The following DCAF1 variants were observed in gnomAD, a reference collection of about 807,000 sequenced individuals.
The protein encoded by DCAF1 is DDB1 and CUL4 associated factor 1.
DCAF1 carries 15 observed loss-of-function variants against 128.0 expected under a neutral mutation model. The ratio of observed to expected loss-of-function variants is 0.12; its 90% confidence interval spans 0.08 to 0.18. The LOEUF (loss-of-function observed/expected upper bound fraction) is 0.18. Ranked by LOEUF, DCAF1 falls within the 10% of genes least tolerant of loss-of-function variation. The pLI, the probability that DCAF1 is intolerant of heterozygous loss-of-function variation, is 1.00. For missense variants in DCAF1, 988 were observed against 1,649.5 expected, an observed-to-expected ratio of 0.60 and a Z score of 6.95; for synonymous variants, 610 against 603.0, an observed-to-expected ratio of 1.01 and a Z score of -0.17.
At chr3:51,479,053 C>T (rs1705835576) in intron 3 of DCAF1, among the ~76,000 whole-genome samples, 1 of 152,156 alleles carries the variant, frequency 6.6e-6, no homozygotes, top group South Asian at 2.1e-4. Context: ...ATTCCAGTGA[C>T]CTTCTCCTTA....
chr3:51,496,929 T>A (rs782383583), intron 1 of DCAF1, among the ~76,000 whole-genome samples, 149 bp from the exon 2 acceptor site: 2 of 152,200 alleles, frequency 1.3e-5, no homozygotes. Flanking sequence ...GGCCTGCAAC[T>A]TATTTTCAAA....
At chr3:51,396,500 AAACT>A (rs1433108928), downstream of DCAF1, 2 of 161,720 alleles carry the variant, frequency 1.2e-5, no homozygotes, top group African/African-American at 5.2e-5. Context: ...CCCACTGAGA[AAACT>A]TACTTACTTC....
At chr3:51,473,410 A>T (rs1705005470) in intron 3 of DCAF1, among the ~76,000 whole-genome samples, 1 of 146,256 alleles carries the variant, frequency 6.8e-6, no homozygotes. Context: ...TTTCCAGGAC[A>T]CTATACTTTC....
At chr3:51,500,599 G>A (rs1708752570), upstream of DCAF1, among the ~76,000 whole-genome samples, 2 of 152,070 alleles carry the variant, frequency 1.3e-5, no homozygotes, top group South Asian at 4.1e-4. Flanking sequence ...GGAGTGCAGT[G>A]ACGATCTCAG....
At chr3:51,424,352 A>G (rs547523521) in intron 13 of DCAF1, among the ~76,000 whole-genome samples, 315 of 151,746 alleles carry the variant, frequency 2.1e-3, no homozygotes, top group African/African-American at 7.4e-3. Context: ...ATAAGCCGAG[A>G]TTGCACCACT....
intron 20 of DCAF1, 93 bp from the exon 21 acceptor site, chr3:51,413,479 C>G (rs2107188613): frequency 6.6e-7 from 1 of 1,507,442 alleles, no homozygotes; most frequent in African/African-American, 1.4e-5. Context: ...TCAAAACAAT[C>G]TACTTGCATA....
chr3:51,440,527 T>A (rs148487213), intron 9 of DCAF1, among the ~76,000 whole-genome samples: 2 of 152,256 alleles, frequency 1.3e-5, no homozygotes, highest in African/African-American at 4.8e-5. Flanking sequence ...TGCTTGGGCC[T>A]AGGAGTTCAA....
At chr3:51,439,214 C>T (rs1355689190) in intron 9 of DCAF1, among the ~76,000 whole-genome samples, 2 of 152,018 alleles carry the variant, frequency 1.3e-5, no homozygotes, top group East Asian at 1.9e-4. Flanking sequence ...CTGCAACCTC[C>T]GCCTCCCGGG....
chr3:51,425,121 A>G (rs887667731), intron 13 of DCAF1, among the ~76,000 whole-genome samples: 2 of 152,240 alleles, frequency 1.3e-5, no homozygotes, highest in African/African-American at 4.8e-5. Context: ...AAGCAGAAAC[A>G]TTTATTAATT....
intron 6 of DCAF1, among the ~76,000 whole-genome samples, chr3:51,453,317 T>A (rs1702542141): frequency 6.6e-6 from 1 of 152,088 alleles, no homozygotes; most frequent in South Asian, 2.1e-4. Context: ...TTCATTTGGG[T>A]CATACACTTA....
intron 2 of DCAF1, among the ~76,000 whole-genome samples, chr3:51,493,450 G>GA (rs200346055): frequency 2.8e-5 from 4 of 144,336 alleles, no homozygotes; most frequent in Non-Finnish European, 3.0e-5. Flanking sequence ...CATCTCAGGG[G>GA]AAAAAAAAAA....
At chr3:51,453,779 C>T (rs973051492) in intron 6 of DCAF1, among the ~76,000 whole-genome samples, 12 of 151,902 alleles carry the variant, frequency 7.9e-5, no homozygotes, top group Non-Finnish European at 1.6e-4. Context: ...ATGGAGAAAC[C>T]CCATCTCTAC....
chr3:51,462,032 T>C (rs2108042628), intron 6 of DCAF1, among the ~76,000 whole-genome samples: 1 of 151,824 alleles, frequency 6.6e-6, no homozygotes, highest in South Asian at 2.1e-4. Context: ...CTGCACGTTG[T>C]GCACATGTAC....
intron 2 of DCAF1, among the ~76,000 whole-genome samples, chr3:51,491,368 G>GA (rs1266867334): frequency 2.0e-5 from 3 of 151,044 alleles, no homozygotes; most frequent in Non-Finnish European, 4.4e-5. Flanking sequence ...AAAAAAGTTG[G>GA]AAAAATCACA....
chr3:51,410,577 T>C (rs1451123149), intron 23 of DCAF1, among the ~76,000 whole-genome samples: 22 of 152,276 alleles, frequency 1.4e-4, no homozygotes, highest in Admixed American at 1.3e-3. Context: ...CATGGGTCCT[T>C]TGCCCTAGTA....
chr3:51,408,747 T>C (rs1698132895), intron 23 of DCAF1, among the ~76,000 whole-genome samples: 1 of 152,134 alleles, frequency 6.6e-6, no homozygotes, highest in Non-Finnish European at 1.5e-5. Flanking sequence ...TATCTCTAAA[T>C]CAAACATCTC....
At chr3:51,403,801 T>C (rs2089911247) in intron 23 of DCAF1, among the ~76,000 whole-genome samples, 1 of 152,184 alleles carries the variant, frequency 6.6e-6, no homozygotes, top group Non-Finnish European at 1.5e-5. Flanking sequence ...TTTAACAAAA[T>C]GGAAGAACAC....
chr3:51,403,481 G>A (rs2106873012), intron 23 of DCAF1, 86 bp from the exon 24 acceptor site: 2 of 1,507,704 alleles, frequency 1.3e-6, no homozygotes, highest in Non-Finnish European at 1.8e-6. Flanking sequence ...AAGAGACAGG[G>A]TAGGAAACTG....
intron 2 of DCAF1, among the ~76,000 whole-genome samples, chr3:51,486,134 C>A (rs183339018): frequency 2.7e-4 from 41 of 151,754 alleles, no homozygotes; most frequent in African/African-American, 8.4e-4. Context: ...TCATGATCTG[C>A]CTGCCTTGGC....
Sources: gnomAD v4.1 joint callset for allele counts (sites outside exome capture counted in the v4.1 genomes callset) on GRCh38, gnomAD v4.1.1 for gene constraint, MANE v1.5 for transcripts, NCBI Gene and HGNC (gene_info 2026-07-23, HGNC 2026-07-21) for gene names.